The following TENM1 variants were observed in gnomAD, a reference collection of about 807,000 sequenced individuals.
TENM1 encodes the protein teneurin-1.
Under a neutral mutation model 174.8 loss-of-function variants are expected in TENM1, and 35 were observed. The observed-to-expected ratio is 0.20, with a 90% CI of 0.15 to 0.27. The LOEUF (loss-of-function observed/expected upper bound fraction) is 0.27, where lower values mean the gene tolerates loss of function less well. TENM1 is among the 10% of genes least tolerant of loss of function. The pLI is 1.00. For synonymous variants in TENM1, 781 were observed against 798.7 expected (o/e 0.98, Z 0.37); for missense variants, 1,633 against 2,130.1 (o/e 0.77, Z 4.59).
At chrX:124,757,101 G>A (rs1246971238) in intron 3 of TENM1, among the ~76,000 whole-genome samples, 1 of 112,652 alleles carries the variant, frequency 8.9e-6, no homozygotes, top group African/African-American at 3.2e-5. Context: ...CAGAGGTGGA[G>A]CCTACAGAGG....
chrX:125,088,364 T>C, the TENM1 span, among the ~76,000 whole-genome samples: 72 of 110,435 alleles, frequency 6.5e-4, no homozygotes, highest in Non-Finnish European at 9.9e-4. Flanking sequence ...CAACAGAAAA[T>C]GGACAGTAGG....
At chrX:124,893,973 T>G (rs776306613) in intron 3 of TENM1, among the ~76,000 whole-genome samples, 1 of 111,457 alleles carries the variant, frequency 9.0e-6, no homozygotes, top group East Asian at 2.8e-4. Flanking sequence ...GGTAGATTTG[T>G]AGAAAGTCAT....
intron 11 of TENM1, among the ~76,000 whole-genome samples, chrX:124,593,129 A>G (rs1450811266): frequency 9.0e-6 from 1 of 111,531 alleles, no homozygotes; most frequent in Non-Finnish European, 1.9e-5. Context: ...AGATCTTCCA[A>G]TGTCAGGCAC....
intron 22 of TENM1, among the ~76,000 whole-genome samples, chrX:124,462,435 G>T (rs1458533603): frequency 3.0e-5 from 3 of 99,041 alleles, no homozygotes; most frequent in African/African-American, 7.8e-5. Flanking sequence ...TGTGTGTGGG[G>T]GGGGTGGGGG....
At chrX:124,491,567 T>A (rs762821847) in intron 20 of TENM1, among the ~76,000 whole-genome samples, 1 of 112,052 alleles carries the variant, frequency 8.9e-6, no homozygotes, top group Admixed American at 9.5e-5. Flanking sequence ...TTAAGATGCA[T>A]ACATACGAAT....
chrX:124,961,176 A>T (rs774016331), intron 1 of TENM1, among the ~76,000 whole-genome samples: 30 of 112,354 alleles, frequency 2.7e-4, no homozygotes, highest in African/African-American at 9.4e-4. Context: ...TTTAAAGAAT[A>T]GTTTTCAATG....
At chrX:124,993,575 T>G in the TENM1 span, among the ~76,000 whole-genome samples, 1 of 109,928 alleles carries the variant, frequency 9.1e-6, no homozygotes, top group Non-Finnish European at 1.9e-5. Context: ...CATTGAGGAG[T>G]GCTATAGGCA....
At chrX:125,048,299 G>C in the TENM1 span, among the ~76,000 whole-genome samples, 47 of 94,999 alleles carry the variant, frequency 4.9e-4, no homozygotes, top group Non-Finnish European at 6.6e-4. Context: ...TCCCTGACTG[G>C]AGTGCAGTGG....
chrX:124,527,945 C>T (rs1182634780), intron 16 of TENM1, among the ~76,000 whole-genome samples: 2 of 106,823 alleles, frequency 1.9e-5, no homozygotes, highest in East Asian at 5.9e-4. Flanking sequence ...CTTGAGCCAC[C>T]GTGCCCGGCC....
At chrX:124,987,077 G>T in the TENM1 span, among the ~76,000 whole-genome samples, 1 of 111,454 alleles carries the variant, frequency 9.0e-6, no homozygotes, top group Non-Finnish European at 1.9e-5. Flanking sequence ...TCTCTGGCGT[G>T]CTCGGAGTTT....
intron 4 of TENM1, among the ~76,000 whole-genome samples, chrX:124,729,853 G>A (rs1255359752): frequency 8.9e-6 from 1 of 111,756 alleles, no homozygotes; most frequent in Non-Finnish European, 1.9e-5. Context: ...TGGTGAAAGA[G>A]TATATTCTAT....
intron 4 of TENM1, among the ~76,000 whole-genome samples, chrX:124,721,079 C>T (rs762475976): frequency 8.9e-6 from 1 of 112,018 alleles, no homozygotes; most frequent in Admixed American, 9.5e-5. Flanking sequence ...GCTTCATTTC[C>T]TCATCTGACT....
chrX:125,166,790 T>G, the TENM1 span, among the ~76,000 whole-genome samples: 1 of 111,601 alleles, frequency 9.0e-6, no homozygotes, highest in African/African-American at 3.2e-5. Flanking sequence ...GCACTGTTGT[T>G]ATCTCATTGA....
chrX:125,110,008 G>T, the TENM1 span, among the ~76,000 whole-genome samples: 2,562 of 111,517 alleles, frequency 0.023, 79 homozygotes, highest in African/African-American at 0.079. Flanking sequence ...GGGAAGGAAA[G>T]GATGCATTGA....
At chrX:124,478,391 G>C (rs144552078) in intron 22 of TENM1, among the ~76,000 whole-genome samples, 1 of 112,523 alleles carries the variant, frequency 8.9e-6, no homozygotes, top group African/African-American at 3.2e-5. Context: ...AATTCCCATG[G>C]CTCCTGACCT....
At chrX:125,018,508 C>T in the TENM1 span, among the ~76,000 whole-genome samples, 1 of 111,027 alleles carries the variant, frequency 9.0e-6, no homozygotes, top group African/African-American at 3.3e-5. Context: ...ATGCAAACTT[C>T]CCCAAAATAT....
chrX:124,571,484 G>A (rs2049052818), intron 11 of TENM1, among the ~76,000 whole-genome samples: 2 of 111,320 alleles, frequency 1.8e-5, no homozygotes, highest in African/African-American at 6.5e-5. Context: ...AAAGCCAAGA[G>A]CAGAAGTTAA....
At chrX:124,811,425 CTA>C (rs2055769999) in intron 3 of TENM1, among the ~76,000 whole-genome samples, 1 of 111,549 alleles carries the variant, frequency 9.0e-6, no homozygotes, top group Non-Finnish European at 1.9e-5. Context: ...CTGAACATCA[CTA>C]ATCATCAGGG....
At chrX:125,111,439 A>T in the TENM1 span, among the ~76,000 whole-genome samples, 11 of 111,421 alleles carry the variant, frequency 9.9e-5, no homozygotes, top group African/African-American at 3.6e-4. Flanking sequence ...AATAAATAAA[A>T]GAGTGACCAG....
Sources: allele counts gnomAD v4.1 joint callset (sites outside exome capture counted in the v4.1 genomes callset), GRCh38; gene constraint gnomAD v4.1.1; transcripts MANE v1.5; gene names NCBI Gene and HGNC (gene_info 2026-07-23, HGNC 2026-07-21).